DHX57: variants seen among roughly 807,000 people sequenced by gnomAD.
DHX57 encodes the protein putative ATP-dependent RNA helicase DHX57.
Under a neutral mutation model 156.2 loss-of-function variants are expected in DHX57, and 105 were observed. The ratio of observed to expected loss-of-function variants is 0.67; its 90% CI spans 0.57 to 0.79. DHX57 has a LOEUF of 0.79. Among genes scored for constraint, DHX57 ranks in the 30% least tolerant of loss-of-function variants. DHX57 has a pLI of 0.00. For missense variants in DHX57, 1,847 were observed against 1,661.9 expected, an observed-to-expected ratio of 1.11 and a Z score of -1.94; for synonymous variants, 704 against 595.6, an observed-to-expected ratio of 1.18 and a Z score of -2.65.
intron 21 of DHX57, among the ~76,000 whole-genome samples, chr2:38,807,161 TCTC>T (rs1311016604): frequency 1.3e-5 from 2 of 151,790 alleles, no homozygotes; most frequent in Non-Finnish European, 2.9e-5. Flanking sequence ...TTCATGCAAT[TCTC>T]CTGCATTAGG....
chr2:38,807,876 C>CCTCAGGTGAT (rs1476842517), intron 21 of DHX57, among the ~76,000 whole-genome samples: 1 of 150,392 alleles, frequency 6.6e-6, no homozygotes, highest in Admixed American at 6.7e-5. Context: ...GAACTCCTGA[C>CCTCAGGTGAT]CTCAGGTGAT....
intron 9 of DHX57, among the ~76,000 whole-genome samples, chr2:38,849,891 A>C (rs1672492626): frequency 6.6e-6 from 1 of 152,114 alleles, no homozygotes; most frequent in Non-Finnish European, 1.5e-5. Flanking sequence ...AAAATTTCAA[A>C]TGCCCTCCTC....
At chr2:38,825,493 G>A (rs1284453735) in intron 16 of DHX57, among the ~76,000 whole-genome samples, 2 of 151,972 alleles carry the variant, frequency 1.3e-5, no homozygotes, top group Admixed American at 1.3e-4. Context: ...AGTAGAGATG[G>A]AGTTTTGCTA....
rs1488225395 is a variant in DHX57 at position 38,843,196 on chromosome 2, T to C, written c.2234A>G (p.Asp745Gly). ...AIAVTRYVLQ[D>G]GSPYMRSMKQ... The stretch of plus-strand genomic sequence containing the variant: ...CATGGACCGCATATATGGGCTCCCA[T>C]CCTGTAATACATACCTGAGAAAGAC... Residue 745 changes from aspartate (D) to glycine (G), a missense_variant, in exon 12 of 24, where the codon GAT (aspartate) becomes GGT (glycine). Coordinates refer to ENST00000457308, the MANE Select transcript of DHX57 (RefSeq NM_198963.3). 1.2e-6 allele frequency: 2 copies of C among 1,613,924 alleles called. No individual in the cohort carries two copies. Among genetic ancestry groups the C allele is most frequent in the Non-Finnish European group, 1.7e-6 (2 of 1,179,998 alleles).
At chr2:38,868,094 CT>C in intron 2 of DHX57, 87 bp downstream of exon 2, 2 of 1,512,554 alleles carry the variant, frequency 1.3e-6, no homozygotes, top group Non-Finnish European at 1.8e-6. Context: ...AATTACTCGA[CT>C]TTTTTTCCAT....
chr2:38,821,992 A>C (rs1457013093), intron 17 of DHX57, among the ~76,000 whole-genome samples: 1 of 152,188 alleles, frequency 6.6e-6, no homozygotes, highest in East Asian at 1.9e-4. Context: ...GAAGAGATTG[A>C]ATTAATAATA....
intron 13 of DHX57, among the ~76,000 whole-genome samples, chr2:38,835,119 G>C (rs1374831033): frequency 5.9e-5 from 9 of 152,108 alleles, no homozygotes; most frequent in Non-Finnish European, 2.9e-5. Flanking sequence ...CAGATAATGA[G>C]TTCCCAGATG....
rs1355967454 is a variant in DHX57, at chr2:38,861,578, G to T, written c.832C>A (p.Leu278Met). Residue 278 changes from leucine to methionine, a missense_variant, in exon 5 of 24, where the codon CTG becomes ATG. Physicochemically the swap from Leu to Met is conservative, Grantham distance 15 (BLOSUM62 2). Coordinates refer to ENST00000457308, the MANE Select transcript of DHX57 (RefSeq NM_198963.3). Reference protein sequence around the residue: ...QNRVWTIGLELEYLTSRFRKS... With the variant: ...QNRVWTIGLEMEYLTSRFRKS... ...CGGAATCTACTTGTCAGATACTCCA[G>T]TTCTAACCCAATGGTCCAGACTCTG... is the stretch of plus-strand genomic sequence containing the variant. 1 of 1,614,018 alleles carries T rather than the reference G, an allele frequency of 6.2e-7. No individual in the cohort carries two copies.
chr2:38,801,942 C>T (rs555044297), intron 23 of DHX57, among the ~76,000 whole-genome samples: 32 of 152,252 alleles, frequency 2.1e-4, no homozygotes, highest in South Asian at 8.3e-4. Flanking sequence ...ATGTTTTTCA[C>T]AGAGACTCCA....
chr2:38,832,132 C>A (rs1377926372), intron 13 of DHX57, among the ~76,000 whole-genome samples: 2 of 152,074 alleles, frequency 1.3e-5, no homozygotes, highest in Admixed American at 1.3e-4. Context: ...ATATGGCTCA[C>A]AAGTCTCTTT....
intron 9 of DHX57, among the ~76,000 whole-genome samples, chr2:38,852,547 T>A (rs530504883): frequency 3.0e-4 from 45 of 151,952 alleles, no homozygotes; most frequent in African/African-American, 1.1e-3. Flanking sequence ...TGACAAACTA[T>A]GATTAATGCC....
Position 38,875,909 on chromosome 2 carries a change from G to A in DHX57, c.-129C>T. 5.0e-6 allele frequency: 2 copies of A among 396,594 alleles called. No individual in the cohort carries two copies. Among genetic ancestry groups the A allele is most frequent in the Non-Finnish European group, 8.9e-6 (2 of 225,360 alleles). The allele number at this position is 396,594 out of a possible 1,614,324, so 24.6% of individuals were successfully genotyped here. The stretch of plus-strand genomic sequence containing the variant: ...GGAGCAGCCCTGCGGTGGCCCAGCT[G>A]CAGCGGCACAGTCCCGGCGCCTTCT... On this transcript the variant is annotated 5_prime_UTR_variant, in exon 1 of 24. Transcript: ENST00000457308.
chr2:38,823,629 TAG>T (rs1436754368), intron 16 of DHX57, among the ~76,000 whole-genome samples: 2 of 152,130 alleles, frequency 1.3e-5, no homozygotes, highest in Non-Finnish European at 2.9e-5. Context: ...AAAAACAGGA[TAG>T]AGATTCCTCA....
Position 38,797,901 on chromosome 2 carries a change from GA to G in DHX57, c.*397del, listed in dbSNP as rs34207268. Reference sequence around the variant, plus strand: ...CAGTCGAGCCTTGGCGACAGGAAAAGAAAAAAAAAAAAGGCGTATTTCTCTT... The same window carrying G: ...CAGTCGAGCCTTGGCGACAGGAAAAGAAAAAAAAAAAGGCGTATTTCTCTT... On this transcript the variant is annotated 3_prime_UTR_variant, in exon 24 of 24. Coordinates refer to ENST00000457308, the MANE Select transcript of DHX57 (RefSeq NM_198963.3). 54,128 of 159,376 alleles carry G rather than the reference GA, an allele frequency of 0.34. 8,813 individuals carry two copies. The highest frequency in any genetic ancestry group is 0.36 in the Non-Finnish European group (24,635 of 67,590). The allele number at this position is 159,376 out of a possible 1,614,324, so 9.9% of individuals were successfully genotyped here.
intron 9 of DHX57, among the ~76,000 whole-genome samples, chr2:38,852,401 G>GT (rs1672649435): frequency 6.9e-6 from 1 of 144,590 alleles, no homozygotes; most frequent in Non-Finnish European, 1.5e-5. Flanking sequence ...AGTCCACCAA[G>GT]TTTACTTAGA....
chr2:38,873,211 G>A (rs990769784), intron 1 of DHX57, among the ~76,000 whole-genome samples: 3 of 152,118 alleles, frequency 2.0e-5, no homozygotes, highest in East Asian at 1.9e-4. Flanking sequence ...GGCTGGTCTC[G>A]AATTCCTGAC....
chr2:38,811,674 G>T (rs983852700), intron 21 of DHX57: 41 of 1,072,636 alleles, frequency 3.8e-5, no homozygotes, highest in Middle Eastern at 3.1e-4. Flanking sequence ...GATTGGAGGT[G>T]CAATTCCTGG....
At chr2:38,832,951 A>C (rs1325947938) in intron 13 of DHX57, among the ~76,000 whole-genome samples, 2 of 151,818 alleles carry the variant, frequency 1.3e-5, no homozygotes, top group African/African-American at 2.4e-5. Flanking sequence ...AGGGTCTGAG[A>C]AATACAGTGG....
chr2:38,854,873 TA>T (rs1455174327), intron 8 of DHX57, 183 bp downstream of exon 8: 1 of 605,744 alleles, frequency 1.7e-6, no homozygotes, highest in East Asian at 3.3e-5. Flanking sequence ...TAAGAGTTCT[TA>T]TACCAAAATA....
Sources: gnomAD v4.1 joint callset for allele counts (sites outside exome capture counted in the v4.1 genomes callset) on GRCh38, gnomAD v4.1.1 for gene constraint, MANE v1.5 for transcripts, NCBI Gene and HGNC (gene_info 2026-07-23, HGNC 2026-07-21) for gene names.